Variants in NAA25 observed in about 807,000 individuals in gnomAD.
NAA25 encodes the protein N-terminal acetyltransferase B complex subunit NAA25.
Under a neutral mutation model 132.5 loss-of-function variants are expected in NAA25, and 30 were observed. The observed-to-expected ratio is 0.23, with a 90% confidence interval of 0.17 to 0.31. The LOEUF (loss-of-function observed/expected upper bound fraction) is 0.31, where lower values mean the gene tolerates loss of function less well. Ranked by LOEUF, NAA25 falls within the 10% of genes least tolerant of loss-of-function variation. The probability of loss-of-function intolerance (pLI) is 1.00; values close to 1 mark genes in which losing one functional copy is unlikely to be tolerated. For synonymous variants in NAA25, 359 were observed against 401.9 expected (o/e 0.89, Z 1.28); for missense variants, 771 against 1,150.4 (o/e 0.67, Z 4.77).
intron 14 of NAA25, 142 bp downstream of exon 14, chr12:112,054,246 C>T (rs948989420): frequency 4.2e-6 from 3 of 711,562 alleles, no homozygotes; most frequent in Non-Finnish European, 6.6e-6. Flanking sequence ...AAAAATCTTT[C>T]TGGTTTGCAA....
chr12:112,080,532 C>T (rs1182352846), intron 5 of NAA25, among the ~76,000 whole-genome samples: 1 of 151,922 alleles, frequency 6.6e-6, no homozygotes, highest in East Asian at 2.0e-4. Flanking sequence ...GACAGAGTCT[C>T]GCTCTATCGC....
In NAA25 at chr12:112,043,781, A is replaced by T. The variant is rs2078334984; in HGVS notation, c.2094T>A (p.Ser698Arg). ...RIRSLTLRLI[S>R]GLPSLNHPVE... The stretch of plus-strand genomic sequence containing the variant: ...CAGGGTGGTTGAGACTTGGAAGTCC[A>T]CTTATCAGCCTCAATGTTAAGGATC... Residue 698 changes from serine to arginine, a missense_variant, in exon 18 of 24, where the codon AGT becomes AGA. By Grantham distance (110) the Ser-to-Arg change is moderately radical (BLOSUM62 -1). Coordinates refer to ENST00000261745, the MANE Select transcript of NAA25 (RefSeq NM_024953.4). 6.2e-7 allele frequency: 1 copy of T among 1,614,076 alleles called. No individual in the cohort carries two copies. The highest frequency in any genetic ancestry group is 8.5e-7 in the Non-Finnish European group (1 of 1,180,042).
chr12:112,093,600 C>T (rs1305424307), intron 1 of NAA25, among the ~76,000 whole-genome samples: 4 of 152,130 alleles, frequency 2.6e-5, no homozygotes, highest in Non-Finnish European at 5.9e-5. Context: ...ACATCATGGG[C>T]ACAGTCCAGT....
chr12:112,051,609 A>C (rs1239616450), intron 15 of NAA25, among the ~76,000 whole-genome samples: 1 of 152,166 alleles, frequency 6.6e-6, no homozygotes, highest in African/African-American at 2.4e-5. Context: ...AATATATTTC[A>C]AGTGTCCTAG....
At chr12:112,073,042 T>C (rs1221439321) in intron 9 of NAA25, among the ~76,000 whole-genome samples, 1 of 152,034 alleles carries the variant, frequency 6.6e-6, no homozygotes, top group Admixed American at 6.6e-5. Flanking sequence ...AAGATCAGCC[T>C]GGGCAACATG....
At chr12:112,046,424 T>C (rs189091354) in intron 17 of NAA25, among the ~76,000 whole-genome samples, 10 of 152,354 alleles carry the variant, frequency 6.6e-5, no homozygotes, top group Admixed American at 2.0e-4. Context: ...CCTTAGCCGT[T>C]GAGTGCAACT....
At chr12:112,037,876 A>G (rs1168993870) in intron 22 of NAA25, among the ~76,000 whole-genome samples, 2 of 151,898 alleles carry the variant, frequency 1.3e-5, no homozygotes, top group Non-Finnish European at 2.9e-5. Context: ...AAAACAAAGT[A>G]AAAGGTTAAG....
chr12:112,063,228 C>T lies in NAA25; in HGVS notation c.1150-1840G>A, dbSNP rs147091632. Reference sequence around the variant, plus strand: ...GAGGCAGACCCCAATAAGCAGGAAGCGCACTCTAGTCACAGAATCTTGGAA... The same window carrying T: ...GAGGCAGACCCCAATAAGCAGGAAGTGCACTCTAGTCACAGAATCTTGGAA... On this transcript the variant is annotated intron_variant, in intron 11 of 23. Transcript: ENST00000261745. Among the ~76,000 whole-genome samples, 4 of 152,242 alleles carry T rather than the reference C, an allele frequency of 2.6e-5. No homozygotes were observed. In the East Asian group the frequency reaches 5.8e-4, roughly 22 times the overall value.
At chr12:112,062,154 TG>T (rs2078639403) in intron 11 of NAA25, among the ~76,000 whole-genome samples, 2 of 152,132 alleles carry the variant, frequency 1.3e-5, no homozygotes, top group African/African-American at 4.8e-5. Context: ...CCTAGCACTT[TG>T]GAAGTCCAAG....
chr12:112,060,398 T>A, intron 12 of NAA25, 39 bp from the exon 13 acceptor site: 1 of 1,414,106 alleles, frequency 7.1e-7, no homozygotes, highest in Non-Finnish European at 1.0e-6. Flanking sequence ...TAACATTTGT[T>A]CAACTATTAC....
At chr12:112,067,200 G>T (rs547714796) in intron 11 of NAA25, among the ~76,000 whole-genome samples, 122 of 151,388 alleles carry the variant, frequency 8.1e-4, no homozygotes, top group African/African-American at 2.9e-3. Context: ...GCAAGACTCC[G>T]TCTCAAAAAA....
intron 10 of NAA25, among the ~76,000 whole-genome samples, chr12:112,071,175 C>T (rs779640497): frequency 3.3e-5 from 5 of 152,016 alleles, no homozygotes; most frequent in Non-Finnish European, 7.4e-5. Flanking sequence ...TGAGCCACCA[C>T]ATCCACCCAA....
chr12:112,071,423 C>CTGGA (rs1217731964), intron 10 of NAA25, among the ~76,000 whole-genome samples: 3 of 152,184 alleles, frequency 2.0e-5, no homozygotes, highest in Non-Finnish European at 4.4e-5. Flanking sequence ...CCTCTGCCTC[C>CTGGA]TGGACTCAAG....
intron 12 of NAA25, 134 bp from the exon 13 acceptor site, chr12:112,060,493 C>G (rs2078611840): frequency 1.7e-6 from 1 of 603,844 alleles, no homozygotes. Context: ...AAGATAAGTA[C>G]CAGGAGAAAA....
At chr12:112,098,843 C>T (rs565865970) in intron 1 of NAA25, among the ~76,000 whole-genome samples, 68 of 152,234 alleles carry the variant, frequency 4.5e-4, no homozygotes, top group African/African-American at 1.4e-3. Context: ...CTGCAACCTC[C>T]GCCTCCAAGG....
At chr12:112,100,438 G>A (rs1180398228) in intron 1 of NAA25, among the ~76,000 whole-genome samples, 1 of 152,046 alleles carries the variant, frequency 6.6e-6, no homozygotes, top group Non-Finnish European at 1.5e-5. Context: ...TGGGATTACA[G>A]GCGTGAGCCA....
intron 1 of NAA25, chr12:112,097,411 T>A (rs2079228620): frequency 6.6e-6 from 1 of 151,928 alleles, no homozygotes; most frequent in African/African-American, 2.4e-5. Context: ...ATCGAGACCA[T>A]CCTGGCTAAC....
chr12:112,041,903 T>C (rs2078305138), intron 20 of NAA25, 136 bp downstream of exon 20: 1 of 554,556 alleles, frequency 1.8e-6, no homozygotes, highest in African/African-American at 2.0e-5. Flanking sequence ...AGGTGGCATC[T>C]AGGAGTATTG....
At chr12:112,097,687 C>T (rs2079234304) in intron 1 of NAA25, among the ~76,000 whole-genome samples, 1 of 151,862 alleles carries the variant, frequency 6.6e-6, no homozygotes, top group African/African-American at 2.4e-5. Context: ...TGTCAATTAC[C>T]TTTATTGGAA....
Sources: gnomAD v4.1 joint callset for allele counts (sites outside exome capture counted in the v4.1 genomes callset) on GRCh38, gnomAD v4.1.1 for gene constraint, MANE v1.5 for transcripts, NCBI Gene and HGNC (gene_info 2026-07-23, HGNC 2026-07-21) for gene names.